The following SYT1 variants were observed in gnomAD, a reference collection of about 807,000 sequenced individuals.
The protein encoded by SYT1 is synaptotagmin-1.
A neutral mutation model predicts 44.8 loss-of-function variants in SYT1; 8 were observed. The ratio of observed to expected loss-of-function variants is 0.18; its 90% confidence interval spans 0.10 to 0.32. SYT1 has a LOEUF of 0.32. Among genes scored for constraint, SYT1 ranks in the 10% least tolerant of loss-of-function variants. The pLI is 1.00. For synonymous variants in SYT1, 154 were observed against 188.8 expected (o/e 0.82, Z 1.51); for missense variants, 286 against 509.3 (o/e 0.56, Z 4.22).
intron 4 of SYT1, among the ~76,000 whole-genome samples, chr12:79,227,222 A>C (rs1875574910): frequency 6.6e-6 from 1 of 152,044 alleles, no homozygotes; most frequent in Non-Finnish European, 1.5e-5. Flanking sequence ...TTTTAAATTA[A>C]GGCTTAAATT....
chr12:79,023,178 C>A (rs1872305972), intron 2 of SYT1, among the ~76,000 whole-genome samples: 1 of 151,746 alleles, frequency 6.6e-6, no homozygotes, highest in Non-Finnish European at 1.5e-5. Flanking sequence ...CTTTCAAAGA[C>A]AACTTTAAAA....
chr12:78,869,860 G>A (rs1369612009), intron 1 of SYT1, among the ~76,000 whole-genome samples: 1 of 151,736 alleles, frequency 6.6e-6, no homozygotes, highest in African/African-American at 2.4e-5. Flanking sequence ...ATCTTTTTTG[G>A]TTACTGCTAT....
At chr12:78,987,366 C>A (rs1353456707) in intron 2 of SYT1, among the ~76,000 whole-genome samples, 4 of 152,026 alleles carry the variant, frequency 2.6e-5, no homozygotes, top group African/African-American at 9.7e-5. Flanking sequence ...GGCTGATGGG[C>A]TCATGAGGTC....
intron 3 of SYT1, among the ~76,000 whole-genome samples, chr12:79,179,684 T>C (rs1872396717): frequency 6.6e-6 from 1 of 151,592 alleles, no homozygotes; most frequent in Admixed American, 6.6e-5. Context: ...CCTCCCAAAG[T>C]ATTGGGATTA....
chr12:79,261,434 G>A (rs552846741), intron 4 of SYT1, among the ~76,000 whole-genome samples: 2 of 152,138 alleles, frequency 1.3e-5, no homozygotes, highest in African/African-American at 4.8e-5. Context: ...TTTTATACTG[G>A]ATTAACTTTA....
intron 9 of SYT1, among the ~76,000 whole-genome samples, chr12:79,372,639 A>G (rs1883837719): frequency 6.6e-6 from 1 of 152,202 alleles, no homozygotes; most frequent in Admixed American, 6.5e-5. Context: ...GTATTTCTGA[A>G]CAAGCAAATG....
chr12:79,144,417 A>G (rs1869748456), intron 3 of SYT1, among the ~76,000 whole-genome samples: 3 of 152,220 alleles, frequency 2.0e-5, no homozygotes, highest in South Asian at 2.1e-4. Flanking sequence ...CACCGCCCAG[A>G]AGGGCATGTC....
intron 3 of SYT1, among the ~76,000 whole-genome samples, chr12:79,207,023 A>G (rs1311978949): frequency 6.6e-6 from 1 of 152,174 alleles, no homozygotes; most frequent in Non-Finnish European, 1.5e-5. Context: ...TCTATGCCTT[A>G]GTTTCTTCAA....
chr12:79,191,077 G>T (rs1873089180), intron 3 of SYT1, among the ~76,000 whole-genome samples: 1 of 134,582 alleles, frequency 7.4e-6, no homozygotes, highest in African/African-American at 3.0e-5. Context: ...CTAGTAATTT[G>T]TACTGAAAAA....
At chr12:78,960,482 A>G (rs1879443287) in intron 1 of SYT1, 2 of 152,210 alleles carry the variant, frequency 1.3e-5, no homozygotes, top group African/African-American at 2.4e-5. Context: ...AGCAACACCA[A>G]CAACAAAACT....
intron 8 of SYT1, among the ~76,000 whole-genome samples, chr12:79,335,539 G>A: frequency 6.6e-6 from 1 of 151,896 alleles, no homozygotes; most frequent in South Asian, 2.1e-4. Flanking sequence ...CTTCCGACTA[G>A]CTTATTTAAA....
At chr12:79,162,596 T>G (rs1258334572) in intron 3 of SYT1, among the ~76,000 whole-genome samples, 1 of 152,158 alleles carries the variant, frequency 6.6e-6, no homozygotes, top group African/African-American at 2.4e-5. Context: ...GAGCACTATA[T>G]GCTAATGTAA....
At chr12:79,308,380 C>A (rs1208106395) in intron 8 of SYT1, among the ~76,000 whole-genome samples, 1 of 151,900 alleles carries the variant, frequency 6.6e-6, no homozygotes, top group African/African-American at 2.4e-5. Flanking sequence ...CAAAATTAGC[C>A]CGGTGTTGTG....
chr12:79,324,390 C>T (rs1017658112), intron 8 of SYT1, among the ~76,000 whole-genome samples: 5 of 152,120 alleles, frequency 3.3e-5, no homozygotes, highest in Non-Finnish European at 5.9e-5. Context: ...TGTTCTGCCA[C>T]GAGTTATCAG....
At chr12:78,938,882 C>G (rs573165816) in intron 1 of SYT1, among the ~76,000 whole-genome samples, 19 of 152,240 alleles carry the variant, frequency 1.2e-4, no homozygotes, top group African/African-American at 4.6e-4. Context: ...TAGAAATTGA[C>G]AGAAATCAGA....
chr12:79,012,343 G>C (rs1206348030), intron 2 of SYT1, among the ~76,000 whole-genome samples: 2 of 152,078 alleles, frequency 1.3e-5, no homozygotes, highest in Non-Finnish European at 2.9e-5. Flanking sequence ...TATTACAGAA[G>C]ACAACTGTGG....
chr12:79,407,917 AAC>A (rs1235889015), intron 9 of SYT1, among the ~76,000 whole-genome samples: 2 of 152,110 alleles, frequency 1.3e-5, no homozygotes, highest in East Asian at 3.9e-4. Context: ...CCAGAAGAAC[AAC>A]AGTTTTATCC....
At chr12:79,195,875 G>T (rs1918201) in intron 3 of SYT1, among the ~76,000 whole-genome samples, 1 of 151,994 alleles carries the variant, frequency 6.6e-6, no homozygotes, top group East Asian at 1.9e-4. Flanking sequence ...ACTACATGTC[G>T]CATTTCAACT....
At chr12:79,104,642 A>G (rs1220910322) in intron 3 of SYT1, among the ~76,000 whole-genome samples, 3 of 151,960 alleles carry the variant, frequency 2.0e-5, no homozygotes, top group Non-Finnish European at 4.4e-5. Context: ...AGACAGATCA[A>G]TTGAACAGCA....
Sources: allele counts gnomAD v4.1 joint callset (sites outside exome capture counted in the v4.1 genomes callset), GRCh38; gene constraint gnomAD v4.1.1; transcripts MANE v1.5; gene names NCBI Gene and HGNC (gene_info 2026-07-23, HGNC 2026-07-21).